The following VPS9D1 variants were observed in gnomAD, a reference collection of about 807,000 sequenced individuals.
VPS9D1 encodes VPS9 domain containing 1, also known as VPS9 domain-containing protein 1.
VPS9D1 carries 78 observed loss-of-function variants against 75.8 expected under a neutral mutation model. That is an observed-to-expected ratio of 1.03 (90% CI 0.86 to 1.24). The LOEUF is 1.24. VPS9D1 is among the 50% of genes most tolerant of loss of function. The probability of loss-of-function intolerance (pLI) is 0.00; values close to 1 mark genes in which losing one functional copy is unlikely to be tolerated. For missense variants in VPS9D1, 1,057 were observed against 847.7 expected (o/e 1.25, Z -3.07); for synonymous variants, 481 against 385.6 (o/e 1.25, Z -2.90).
At chr16:89,720,711 T>C in intron 1 of VPS9D1, 52 bp downstream of exon 1, 1 of 1,343,214 alleles carries the variant, frequency 7.4e-7, no homozygotes, top group Non-Finnish European at 9.6e-7. Flanking sequence ...CGGGCGGGGG[T>C]CCCTCCAGGG....
At chr16:89,708,326 C>A in intron 14 of VPS9D1, 101 bp downstream of exon 14, 1 of 1,191,474 alleles carries the variant, frequency 8.4e-7, no homozygotes, top group Non-Finnish European at 1.2e-6. Flanking sequence ...CGGAGCCACA[C>A]GCTACCCTCC....
Position 89,719,030 on chromosome 16 carries a change from T to G in VPS9D1, c.172A>C (p.Lys58Gln). The change falls in exon 2 of 15, where the codon AAA becomes CAA. Residue 58 changes from lysine (K) to glutamine (Q), a missense_variant. Transcript: ENST00000389386. ...QVLLEEVETT[K>Q]EAGETVPPDT... ...CGCCCGGCTGGCTGAGCCGTACCTT[T>G]AGTGGTTTCCACTTCTTCTAGTAAC... 1 of 1,613,210 alleles carries G rather than the reference T, an allele frequency of 6.2e-7. No homozygotes were observed. The highest frequency in any genetic ancestry group is 8.5e-7 in the Non-Finnish European group (1 of 1,179,770).
intron 4 of VPS9D1, among the ~76,000 whole-genome samples, chr16:89,716,077 C>A (rs2061059204): frequency 6.6e-6 from 1 of 151,972 alleles, no homozygotes; most frequent in Non-Finnish European, 1.5e-5. Context: ...GTAATCCCAG[C>A]ACTGTGGGGG....
chr16:89,709,328 G>T lies in VPS9D1; in HGVS notation c.1496C>A (p.Pro499His), dbSNP rs758406355. 1.9e-6 allele frequency: 3 copies of T among 1,599,398 alleles called. No homozygotes were observed. In the Admixed American group the frequency reaches 5.1e-5, roughly 27 times the overall value. The change falls in exon 12 of 15, where the codon CCT becomes CAT. Residue 499 changes from proline (P) to histidine (H), a missense_variant. Pro to His is a moderately conservative substitution (Grantham distance 77). Transcript: ENST00000389386. Reference protein sequence around the residue: ...GIPTKLLPQNPEAKGATGYPY... With the variant: ...GIPTKLLPQNHEAKGATGYPY... ...GTAGCCAGTGGCCCCCTTGGCCTCA[G>T]GGTTCTGGGGGAGGAGCTTGGTGGG...
intron 2 of VPS9D1, chr16:89,717,274 A>G (rs2061096662): frequency 6.4e-6 from 2 of 314,652 alleles, no homozygotes; most frequent in Admixed American, 4.4e-5. Context: ...TGGGCCCCTC[A>G]TCGAGGCCCG....
intron 1 of VPS9D1, among the ~76,000 whole-genome samples, chr16:89,719,580 C>T (rs1230464737): frequency 1.3e-5 from 2 of 152,122 alleles, no homozygotes; most frequent in Non-Finnish European, 2.9e-5. Context: ...AATCACTTCC[C>T]GGTTTAAGTT....
intron 8 of VPS9D1, 46 bp from the exon 9 acceptor site, chr16:89,711,458 G>A: frequency 1.0e-5 from 16 of 1,525,392 alleles, no homozygotes; most frequent in Non-Finnish European, 1.4e-5. Flanking sequence ...GGTCCGCCAC[G>A]ACCGGACGCG....
At chr16:89,708,009 C>T (rs994393711) in intron 14 of VPS9D1, 55 bp from the exon 15 acceptor site, 34 of 1,546,372 alleles carry the variant, frequency 2.2e-5, no homozygotes, top group South Asian at 3.4e-5. Context: ...AGGATACCCC[C>T]GGCCCTCCAG....
At chr16:89,719,155 C>A in intron 1 of VPS9D1, 53 bp from the exon 2 acceptor site, 9 of 1,556,318 alleles carry the variant, frequency 5.8e-6, no homozygotes, top group Non-Finnish European at 8.0e-6. Flanking sequence ...GGAAGTGACT[C>A]CATTATTCCG....
intron 13 of VPS9D1, 34 bp downstream of exon 13, chr16:89,708,823 C>T (rs2060848459): frequency 1.3e-6 from 2 of 1,545,438 alleles, no homozygotes; most frequent in South Asian, 2.4e-5. Flanking sequence ...AGGGCCCTTC[C>T]TCCCTGGCCA....
intron 1 of VPS9D1, chr16:89,720,373 C>T (rs1224554335): frequency 3.1e-6 from 3 of 983,242 alleles, no homozygotes; most frequent in East Asian, 2.2e-4. Flanking sequence ...GCCTTCTCTG[C>T]ATGCCGTCCC....
intron 1 of VPS9D1, chr16:89,719,368 A>G: frequency 1.8e-6 from 1 of 569,884 alleles, no homozygotes; most frequent in Non-Finnish European, 3.3e-6. Flanking sequence ...GCTGGACCTC[A>G]TTTTCTCCTC....
At chr16:89,717,514 CCTCT>C (rs772970440) in intron 2 of VPS9D1, 5 of 454,622 alleles carry the variant, frequency 1.1e-5, no homozygotes, top group Non-Finnish European at 1.8e-5. Context: ...GTGGGAGCTG[CCTCT>C]CTGTGACTCG....
chr16:89,710,333 C>T (rs1390647648), intron 10 of VPS9D1, among the ~76,000 whole-genome samples: 1 of 152,086 alleles, frequency 6.6e-6, no homozygotes, highest in African/African-American at 2.4e-5. Context: ...TGCTTGTAAT[C>T]CCAGCACTTT....
At chr16:89,713,936 T>C (rs1447375604) in intron 4 of VPS9D1, among the ~76,000 whole-genome samples, 7 of 152,026 alleles carry the variant, frequency 4.6e-5, no homozygotes, top group Admixed American at 4.6e-4. Context: ...ACTGAGGTTT[T>C]TTTGCAAAAT....
chr16:89,709,295 C>G lies in VPS9D1; in HGVS notation c.1529G>C (p.Cys510Ser). 6.2e-7 allele frequency: 1 copy of G among 1,609,196 alleles called. No homozygotes were observed. Among genetic ancestry groups the G allele is most frequent in the Non-Finnish European group, 8.5e-7 (1 of 1,179,072 alleles). Reference sequence around the variant, plus strand: ...CAGTCCGAGCTCCTGGGCCGCCGCGCAGTAGGGGTAGCCAGTGGCCCCCTT... The same window carrying G: ...CAGTCCGAGCTCCTGGGCCGCCGCGGAGTAGGGGTAGCCAGTGGCCCCCTT... ...EAKGATGYPY[C>S]AAAQELGLLV... The change falls in exon 12 of 15, where the codon TGC becomes TCC. Residue 510 changes from cysteine to serine, a missense_variant. Physicochemically the swap from Cys to Ser is moderately radical, Grantham distance 112. Transcript: ENST00000389386.
At chr16:89,712,251 G>T in intron 6 of VPS9D1, 152 bp from the exon 7 acceptor site, 2 of 1,357,218 alleles carry the variant, frequency 1.5e-6, no homozygotes, top group Non-Finnish European at 1.0e-6. Context: ...AAGGCAGCCT[G>T]CGCTCAAGCC....
intron 2 of VPS9D1, chr16:89,718,016 C>A (rs1262324100): frequency 2.2e-6 from 1 of 454,010 alleles, no homozygotes; most frequent in African/African-American, 2.0e-5. Context: ...GCTCCCACGT[C>A]CAGTGGGTCC....
chr16:89,718,181 C>T (rs143056708), intron 2 of VPS9D1: 15 of 407,638 alleles, frequency 3.7e-5, no homozygotes, highest in East Asian at 2.9e-4. Context: ...CTCTCCTTGC[C>T]AGTTTGCTCC....
Sources: gnomAD v4.1 joint callset for allele counts (sites outside exome capture counted in the v4.1 genomes callset) on GRCh38, gnomAD v4.1.1 for gene constraint, MANE v1.5 for transcripts, NCBI Gene and HGNC (gene_info 2026-07-23, HGNC 2026-07-21) for gene names.